RFX7: variants seen among roughly 807,000 people sequenced by gnomAD.
RFX7 encodes regulatory factor X7.
A neutral mutation model predicts 111.8 loss-of-function variants in RFX7; 26 were observed. That is an observed-to-expected ratio of 0.23 (90% CI 0.17 to 0.32). The LOEUF is 0.32. RFX7 is among the 10% of genes least tolerant of loss of function. The probability of loss-of-function intolerance (pLI) is 1.00; values close to 1 mark genes in which losing one functional copy is unlikely to be tolerated. For missense variants in RFX7, 1,573 were observed against 1,772.9 expected (o/e 0.89, Z 2.02); for synonymous variants, 624 against 624.4 (o/e 1.00, Z 0.01).
intron 3 of RFX7, among the ~76,000 whole-genome samples, chr15:56,151,417 A>C (rs2042567734): frequency 6.6e-6 from 1 of 152,238 alleles, no homozygotes; most frequent in South Asian, 2.1e-4. Context: ...ACATTCTTAA[A>C]GAAAAGAATT....
Position 56,094,798 on chromosome 15 carries a change from C to T in RFX7, c.2930G>A (p.Arg977Gln), listed in dbSNP as rs756963590. 1.8e-5 allele frequency: 28 copies of T among 1,598,116 alleles called. No individual in the cohort carries two copies. The highest frequency in any genetic ancestry group is 1.0e-4 in the South Asian group (9 of 88,734). Residue 977 changes from arginine to glutamine, a missense_variant, in exon 10 of 10, where the codon CGG (arginine) becomes CAG (glutamine). By Grantham distance (43) the Arg-to-Gln change is conservative. This residue lies in a region of RFX7 where 625 missense variants were observed against 632.2 expected (regional missense o/e 0.99). Transcript: ENST00000559447. ...GGCTAGCCTGGAGCAAGGGCTCTCC[C>T]GTGACAGACTCTGAGATCCAGCAAT... is the stretch of plus-strand genomic sequence containing the variant. ...EMIAGSQSLS[R>Q]ESPCSRLAQT...
Position 56,095,297 on chromosome 15 carries a change from A to G in RFX7, c.2431T>C (p.Ser811Pro), listed in dbSNP as rs1567003308. Residue 811 changes from serine (S) to proline (P), a missense_variant, in exon 10 of 10, where the codon TCT becomes CCT. By Grantham distance (74) the Ser-to-Pro change is moderately conservative. Coordinates refer to ENST00000559447, the MANE Select transcript of RFX7 (RefSeq NM_022841.7). Reference sequence around the variant, plus strand: ...GATTTCTCTAAGTCATTGATATCAGAGTGCTCAGGAATTGTCATAACACTG... The same window carrying G: ...GATTTCTCTAAGTCATTGATATCAGGGTGCTCAGGAATTGTCATAACACTG... ...DISVMTIPEHSDINDLEKSVW... is the reference protein window; with the variant it reads ...DISVMTIPEHPDINDLEKSVW... 1.2e-6 allele frequency: 2 copies of G among 1,613,950 alleles called. No homozygotes were observed. Among genetic ancestry groups the G allele is most frequent in the South Asian group, 2.2e-5 (2 of 91,070 alleles).
chr15:56,100,222 T>G (rs2041734530), intron 8 of RFX7, among the ~76,000 whole-genome samples: 2 of 152,244 alleles, frequency 1.3e-5, no homozygotes, highest in Admixed American at 1.3e-4. Flanking sequence ...ATCACCTATC[T>G]CACAGGACTG....
chr15:56,134,796 T>G (rs1195491312), intron 5 of RFX7, among the ~76,000 whole-genome samples: 1 of 152,036 alleles, frequency 6.6e-6, no homozygotes, highest in Admixed American at 6.6e-5. Flanking sequence ...CCCAGAGCGT[T>G]ATATTCCCCT....
chr15:56,139,842 C>T (rs1375773601), intron 5 of RFX7, among the ~76,000 whole-genome samples: 1 of 152,134 alleles, frequency 6.6e-6, no homozygotes, highest in African/African-American at 2.4e-5. Flanking sequence ...ACAGACAGGA[C>T]CCTCAGCTGT....
intron 3 of RFX7, among the ~76,000 whole-genome samples, chr15:56,159,164 TAA>T: frequency 6.6e-6 from 1 of 152,350 alleles, no homozygotes; most frequent in Non-Finnish European, 1.5e-5. Flanking sequence ...TTGTTGTAAA[TAA>T]CAGAAGTTCC....
intron 5 of RFX7, among the ~76,000 whole-genome samples, chr15:56,112,379 C>CAAAAAAAAAAAAA (rs71110374): frequency 6.8e-4 from 49 of 71,758 alleles, no homozygotes; most frequent in African/African-American, 1.7e-3. Context: ...GAGTACAAAT[C>CAAAAAAAAAAAAA]AAAAAAAAAA....
intron 5 of RFX7, among the ~76,000 whole-genome samples, chr15:56,137,595 T>A (rs1349374507): frequency 6.6e-6 from 1 of 152,144 alleles, no homozygotes; most frequent in East Asian, 1.9e-4. Context: ...TTTGAAGGGT[T>A]TTTTGTGTCT....
At chr15:56,143,012 C>T in intron 4 of RFX7, 112 bp from the exon 5 acceptor site, 2 of 1,153,270 alleles carry the variant, frequency 1.7e-6, no homozygotes, top group South Asian at 1.5e-5. Flanking sequence ...TATCAACGAC[C>T]AAACCAAACT....
At chr15:56,223,421 C>T (rs1164207864) in intron 2 of RFX7, among the ~76,000 whole-genome samples, 1 of 152,140 alleles carries the variant, frequency 6.6e-6, no homozygotes, top group Non-Finnish European at 1.5e-5. Flanking sequence ...CCAGGGTGAG[C>T]TTACCTATTG....
chr15:56,244,614 C>T (rs1351827238), upstream of RFX7, among the ~76,000 whole-genome samples: 1 of 150,362 alleles, frequency 6.7e-6, no homozygotes, highest in Non-Finnish European at 1.5e-5. Flanking sequence ...AATGCCCTCC[C>T]TCCTTTATAC....
chr15:56,138,133 G>T (rs868826246), intron 5 of RFX7, among the ~76,000 whole-genome samples: 8 of 135,312 alleles, frequency 5.9e-5, no homozygotes, highest in Admixed American at 1.5e-4. Flanking sequence ...TATTAGGTCC[G>T]CTTGGTGCAG....
intron 2 of RFX7, among the ~76,000 whole-genome samples, chr15:56,235,533 A>C (rs1341004402): frequency 1.3e-5 from 2 of 152,142 alleles, no homozygotes; most frequent in African/African-American, 4.8e-5. Context: ...AGTGCTCTCC[A>C]TGCTTGGTTT....
chr15:56,094,539 T>C lies in RFX7; in HGVS notation c.3189A>G (p.Glu1063=), dbSNP rs775140878. Reference sequence around the variant, plus strand: ...CCCCACTATACCCATTATTCATCCATTCAAGCTTGGTTTTGTCAGGGTGTG... The same window carrying C: ...CCCCACTATACCCATTATTCATCCACTCAAGCTTGGTTTTGTCAGGGTGTG... ...MATHPDKTKL[E]WMNNGYSGVG... The change falls in exon 10 of 10, where the codon GAA becomes GAG. Residue 1063 remains glutamate (E), a synonymous_variant. Transcript: ENST00000559447. The C allele has an allele frequency of 2.9e-5, 47 of 1,613,876 alleles. No individual in the cohort carries two copies. The highest frequency in any genetic ancestry group is 3.9e-5 in the Non-Finnish European group (46 of 1,179,888).
chr15:56,174,209 C>T lies in RFX7; in HGVS notation c.195+5061G>A, dbSNP rs149704664. ...AGGAGAATCACTTGAATTCAAGAGGCGGAGGTTGCAGTGAGCTGAGATTGT... is the reference window on the plus strand; with the variant it reads ...AGGAGAATCACTTGAATTCAAGAGGTGGAGGTTGCAGTGAGCTGAGATTGT... On this transcript the variant is annotated intron_variant, in intron 3 of 9. Coordinates refer to ENST00000559447, the MANE Select transcript of RFX7 (RefSeq NM_022841.7). Among the ~76,000 whole-genome samples, 127 of 151,938 alleles carry T rather than the reference C, an allele frequency of 8.4e-4. 1 individual carries two copies. The highest frequency in any genetic ancestry group is 2.7e-3 in the African/African-American group (114 of 41,456).
At chr15:56,183,066 A>AT (rs1248792052) in intron 2 of RFX7, among the ~76,000 whole-genome samples, 1 of 151,976 alleles carries the variant, frequency 6.6e-6, no homozygotes, top group Non-Finnish European at 1.5e-5. Context: ...ATGAAATTGT[A>AT]TTTTTTTAAA....
intron 5 of RFX7, 42 bp downstream of exon 5, chr15:56,142,736 C>T (rs1269059551): frequency 1.9e-6 from 3 of 1,571,806 alleles, no homozygotes; most frequent in East Asian, 4.5e-5. Context: ...AGTATTTTAC[C>T]TCTTTAATAT....
intron 5 of RFX7, among the ~76,000 whole-genome samples, chr15:56,117,586 T>C (rs1027379014): frequency 3.3e-5 from 5 of 152,224 alleles, no homozygotes; most frequent in East Asian, 1.9e-4. Flanking sequence ...ATTCCTCCTA[T>C]CTAGTTCTAA....
chr15:56,121,964 C>T (rs2042084477), intron 5 of RFX7, among the ~76,000 whole-genome samples: 1 of 152,170 alleles, frequency 6.6e-6, no homozygotes, highest in Admixed American at 6.5e-5. Context: ...AAGAGCAATT[C>T]TGAACTCTCT....
Sources: gnomAD v4.1 joint callset for allele counts (sites outside exome capture counted in the v4.1 genomes callset) on GRCh38, gnomAD v4.1.1 for gene constraint, gnomAD v4.1.1 regional missense constraint, MANE v1.5 for transcripts, NCBI Gene and HGNC (gene_info 2026-07-23, HGNC 2026-07-21) for gene names.